The following BLOC1S5 variants were observed in gnomAD, a reference collection of about 807,000 sequenced individuals.
BLOC1S5 encodes biogenesis of lysosome-related organelles complex 1 subunit 5.
In BLOC1S5, 27 loss-of-function variants were observed where a neutral mutation model predicts 24.3. The ratio of observed to expected loss-of-function variants is 1.11; its 90% CI spans 0.82 to 1.53. The LOEUF is 1.53. Among genes scored for constraint, BLOC1S5 ranks in the 40% most tolerant of loss-of-function variants. The pLI, the probability that BLOC1S5 is intolerant of heterozygous loss-of-function variation, is 0.00. For missense variants in BLOC1S5, 239 were observed against 229.4 expected (o/e 1.04, Z -0.27); for synonymous variants, 84 against 74.5 (o/e 1.13, Z -0.66).
At chr6:8,050,616 T>TA (rs1469094459) in intron 2 of BLOC1S5, among the ~76,000 whole-genome samples, 2 of 144,880 alleles carry the variant, frequency 1.4e-5, no homozygotes, top group East Asian at 2.6e-4. Context: ...TTTTTTTTTT[T>TA]TATTGAGACA....
chr6:8,053,791 A>G (rs1027155516), intron 2 of BLOC1S5, among the ~76,000 whole-genome samples: 1 of 152,166 alleles, frequency 6.6e-6, no homozygotes, highest in African/African-American at 2.4e-5. Flanking sequence ...TCACACACAC[A>G]TACATAATAT....
chr6:8,036,791 C>G (rs755616532), intron 3 of BLOC1S5, among the ~76,000 whole-genome samples: 4 of 152,048 alleles, frequency 2.6e-5, no homozygotes, highest in Non-Finnish European at 5.9e-5. Context: ...TAGTAGCAAA[C>G]CAAATTCAAC....
chr6:8,050,601 C>CTTTTT (rs35623258), intron 2 of BLOC1S5, among the ~76,000 whole-genome samples: 1 of 137,806 alleles, frequency 7.3e-6, no homozygotes. Context: ...GGAAAAGAAA[C>CTTTTT]TTTTTTTTTT....
chr6:8,044,346 C>T (rs1411475920), intron 2 of BLOC1S5, among the ~76,000 whole-genome samples: 1 of 151,542 alleles, frequency 6.6e-6, no homozygotes, highest in Non-Finnish European at 1.5e-5. Flanking sequence ...TCTGAGGCCT[C>T]CCCACCCATG....
chr6:8,029,038 G>A (rs74806240), intron 3 of BLOC1S5, among the ~76,000 whole-genome samples: 5,935 of 151,932 alleles, frequency 0.039, 360 homozygotes, highest in African/African-American at 0.13. Context: ...GATTTGTGCC[G>A]CATACCACAG....
chr6:8,055,806 A>T (rs1326487725), intron 2 of BLOC1S5, among the ~76,000 whole-genome samples: 4 of 152,138 alleles, frequency 2.6e-5, no homozygotes, highest in Non-Finnish European at 1.5e-5. Context: ...CCTAAGTTGG[A>T]GCCTGTGAAG....
chr6:8,030,769 G>A (rs1351521441), intron 3 of BLOC1S5, among the ~76,000 whole-genome samples: 3 of 150,430 alleles, frequency 2.0e-5, no homozygotes, highest in Non-Finnish European at 2.9e-5. Flanking sequence ...CTAGTCCGGA[G>A]GCTGAGGCAG....
intron 3 of BLOC1S5, among the ~76,000 whole-genome samples, chr6:8,040,829 C>A (rs920241095): frequency 1.3e-5 from 2 of 151,144 alleles, no homozygotes; most frequent in African/African-American, 4.9e-5. Flanking sequence ...GCACTCCAGC[C>A]TGGGACACAG....
At chr6:8,049,995 A>G (rs1277001739) in intron 2 of BLOC1S5, among the ~76,000 whole-genome samples, 1 of 152,208 alleles carries the variant, frequency 6.6e-6, no homozygotes, top group African/African-American at 2.4e-5. Context: ...TACAGGTGTG[A>G]GCCACTGTGT....
rs185856204 is a variant in BLOC1S5, at chr6:8,056,691, G to A, written c.195+5843C>T. On this transcript the variant is annotated intron_variant, in intron 2 of 4. Coordinates refer to ENST00000397457, the MANE Select transcript of BLOC1S5 (RefSeq NM_201280.3). Reference sequence around the variant, plus strand: ...CATTCAGGGGACAGGTTATTATTCTGGGGCCTATAAATGGGCTTTGGGGTT... The same window carrying A: ...CATTCAGGGGACAGGTTATTATTCTAGGGCCTATAAATGGGCTTTGGGGTT... 1.4e-4 allele frequency among the ~76,000 whole-genome samples: 21 copies of A among 152,250 alleles called. 1 individual carries two copies. The Middle Eastern group carries it at 0.014, about 99-fold the overall frequency.
intron 3 of BLOC1S5, among the ~76,000 whole-genome samples, chr6:8,029,408 A>G (rs1763220530): frequency 6.6e-6 from 1 of 152,180 alleles, no homozygotes; most frequent in African/African-American, 2.4e-5. Context: ...TTTCTATGCT[A>G]AAAGAGGGAT....
intron 3 of BLOC1S5, among the ~76,000 whole-genome samples, chr6:8,029,264 A>C (rs1763210237): frequency 6.6e-6 from 1 of 152,226 alleles, no homozygotes; most frequent in South Asian, 2.1e-4. Flanking sequence ...CATGAGGATA[A>C]GACAGTTCTC....
intron 3 of BLOC1S5, among the ~76,000 whole-genome samples, chr6:8,031,403 T>C (rs1438571193): frequency 6.6e-6 from 1 of 151,942 alleles, no homozygotes; most frequent in Non-Finnish European, 1.5e-5. Context: ...AGCAAAATAC[T>C]TGGGCCTAAC....
intron 4 of BLOC1S5, among the ~76,000 whole-genome samples, chr6:8,022,499 A>C (rs1762945647): frequency 6.6e-6 from 1 of 151,900 alleles, no homozygotes. Context: ...GAGTGTCAGT[A>C]TAACAACTGC....
chr6:8,041,377 A>G, intron 2 of BLOC1S5, 109 bp from the exon 3 acceptor site: 1 of 1,084,322 alleles, frequency 9.2e-7, no homozygotes, highest in South Asian at 1.8e-5. Context: ...CGGTGGTGTG[A>G]TCTCAGCTCA....
At chr6:8,038,672 G>A (rs1025224881) in intron 3 of BLOC1S5, among the ~76,000 whole-genome samples, 7 of 152,180 alleles carry the variant, frequency 4.6e-5, no homozygotes, top group Admixed American at 4.6e-4. Flanking sequence ...TTTTAGTAGA[G>A]ACAGGGTTTC....
chr6:8,023,497 G>A (rs1762996827), intron 4 of BLOC1S5, among the ~76,000 whole-genome samples: 1 of 152,100 alleles, frequency 6.6e-6, no homozygotes, highest in Admixed American at 6.5e-5. Flanking sequence ...GGCTGAGGCA[G>A]GAGAATCACT....
At chr6:8,017,566 C>A (rs1156433804) in intron 4 of BLOC1S5, among the ~76,000 whole-genome samples, 1 of 152,228 alleles carries the variant, frequency 6.6e-6, no homozygotes, top group African/African-American at 2.4e-5. Flanking sequence ...CTGTTCATCA[C>A]GTTCTTCCTG....
intron 2 of BLOC1S5, among the ~76,000 whole-genome samples, chr6:8,048,171 T>C (rs557390081): frequency 6.6e-6 from 1 of 152,354 alleles, no homozygotes; most frequent in South Asian, 2.1e-4. Flanking sequence ...CCCAGCTTTG[T>C]CCAGTGGGAG....
Sources: gnomAD v4.1 joint callset for allele counts (sites outside exome capture counted in the v4.1 genomes callset) on GRCh38, gnomAD v4.1.1 for gene constraint, MANE v1.5 for transcripts, NCBI Gene and HGNC (gene_info 2026-07-23, HGNC 2026-07-21) for gene names.